Variants in PCDHGB1 observed in about 807,000 individuals in gnomAD.
PCDHGB1 encodes the protein protocadherin gamma-B1.
Under a neutral mutation model 56.6 loss-of-function variants are expected in PCDHGB1, and 34 were observed. The observed-to-expected ratio is 0.60, with a 90% CI of 0.46 to 0.80. The LOEUF is 0.80. Among genes scored for constraint, PCDHGB1 ranks in the 30% least tolerant of loss-of-function variants. The pLI is 0.00. For synonymous variants in PCDHGB1, 561 were observed against 505.9 expected, an observed-to-expected ratio of 1.11 and a Z score of -1.46; for missense variants, 1,278 against 1,204.6, an observed-to-expected ratio of 1.06 and a Z score of -0.90.
intron 1 of PCDHGB1, chr5:141,475,934 GC>G (rs879308605): frequency 6.0e-6 from 4 of 665,236 alleles, no homozygotes; most frequent in Non-Finnish European, 1.0e-5. Context: ...TCGGGCCCCT[GC>G]CCGTCCCCTT....
chr5:141,399,010 G>A (rs1400790755), intron 1 of PCDHGB1: 5 of 1,613,726 alleles, frequency 3.1e-6, no homozygotes, highest in African/African-American at 1.3e-5. Flanking sequence ...TTCAAAGAGC[G>A]GAGAAATTAC....
At chr5:141,389,866 T>G (rs1332106674) in intron 1 of PCDHGB1, 1 of 1,614,082 alleles carries the variant, frequency 6.2e-7, no homozygotes, top group African/African-American at 1.3e-5. Context: ...TTGCACCTGG[T>G]CTTCGCCGAC....
In PCDHGB1 at chr5:141,439,058, TGGCA is replaced by T. The variant is rs1241503235; in HGVS notation, c.2410-55745_2410-55742del. On this transcript the variant is annotated intron_variant, in intron 1 of 3. Transcript: ENST00000523390. ...CAGTTCATAAGATTTCCATATTGTG[TGGCA>T]GGCGCCTGTAATCCCAGCTACTCAG... 2.0e-5 allele frequency among the ~76,000 whole-genome samples: 3 copies of T among 151,580 alleles called. No individual in the cohort carries two copies. The East Asian group carries it at 5.9e-4, about 30-fold the overall frequency.
At position 141,409,627 on chromosome 5, in the gene PCDHGB1, C is replaced by A. The variant is rs761778894; in HGVS notation, c.2409+56958C>A. ...CAGGAGCCTCCATTGCGCAAGTGAG[C>A]GCCTCTGACCCGGATTTGGGGCTCA... On this transcript the variant is annotated intron_variant, in intron 1 of 3. Coordinates refer to ENST00000523390, the MANE Select transcript of PCDHGB1 (RefSeq NM_018922.3). 5.0e-5 allele frequency: 80 copies of A among 1,613,716 alleles called. No individual in the cohort carries two copies. The Admixed American group carries it at 1.2e-3, about 24-fold the overall frequency.
At position 141,373,653 on chromosome 5, in the gene PCDHGB1, A is replaced by T. The variant is rs149501628; in HGVS notation, c.2409+20984A>T. Among the ~76,000 whole-genome samples, 35 of 152,376 alleles carry T rather than the reference A, an allele frequency of 2.3e-4. No individual in the cohort carries two copies. In the East Asian group the frequency reaches 6.4e-3, roughly 28 times the overall value. On this transcript the variant is annotated intron_variant, in intron 1 of 3. Transcript: ENST00000523390. The stretch of plus-strand genomic sequence containing the variant: ...TTTCTGTTCCCCAAGGTCCTAAGAG[A>T]TATTTTCATAAAAATGAATGGTAAA...
chr5:141,365,585 A>G (rs749384821), intron 1 of PCDHGB1: 2 of 1,613,578 alleles, frequency 1.2e-6, no homozygotes, highest in Non-Finnish European at 1.7e-6. Context: ...TTCAGATTAT[A>G]ATATCACTTT....
chr5:141,392,916 G>A, intron 1 of PCDHGB1: 1 of 1,613,936 alleles, frequency 6.2e-7, no homozygotes, highest in Non-Finnish European at 8.5e-7. Context: ...TCGCTACTCT[G>A]TGCCAGAAGA....
In PCDHGB1 at chr5:141,372,299, G is replaced by T. The variant is rs35459734; in HGVS notation, c.2409+19630G>T. The stretch of plus-strand genomic sequence containing the variant: ...GCACGGCGCGTACCTTGGGCGACAG[G>T]GAGGCCGCCCGCCAGCGCCTGCTGG... On this transcript the variant is annotated intron_variant, in intron 1 of 3. Coordinates refer to ENST00000523390, the MANE Select transcript of PCDHGB1 (RefSeq NM_018922.3). The T allele has an allele frequency of 1.9e-3, 2,997 of 1,613,318 alleles. 22 individuals are homozygous for T. Among genetic ancestry groups the T allele is most frequent in the African/African-American group, 0.017 (1,313 of 75,058 alleles).
Position 141,350,526 on chromosome 5 carries a change from G to T in PCDHGB1, c.266G>T (p.Arg89Leu). 6.2e-7 allele frequency: 1 copy of T among 1,614,020 alleles called. No individual in the cohort carries two copies. The highest frequency in any genetic ancestry group is 8.5e-7 in the Non-Finnish European group (1 of 1,179,894). Residue 89 changes from arginine (R) to leucine (L), a missense_variant, in exon 1 of 4, where the codon CGA (arginine) becomes CTA (leucine). By Grantham distance (102) the Arg-to-Leu change is moderately radical. Transcript: ENST00000523390. ...TTGTTAGTGAACGGTAGGATAGATC[G>T]AGAGAAGATTTGCGGAAGGAAACTT... ...GDLLVNGRID[R>L]EKICGRKLEC...
chr5:141,385,101 C>A (rs1373310406), intron 1 of PCDHGB1: 2 of 1,614,194 alleles, frequency 1.2e-6, no homozygotes, highest in East Asian at 2.2e-5. Flanking sequence ...GCTTGGCGAA[C>A]GTGCCCACCT....
intron 1 of PCDHGB1, chr5:141,393,911 T>C: frequency 3.7e-6 from 6 of 1,614,002 alleles, no homozygotes; most frequent in Non-Finnish European, 5.1e-6. Context: ...GGACAGTAAT[T>C]GCCTTCTTGA....
intron 1 of PCDHGB1, chr5:141,422,122 A>G (rs758254144): frequency 6.2e-7 from 1 of 1,601,596 alleles, no homozygotes; most frequent in African/African-American, 1.4e-5. Context: ...GGATTCACAA[A>G]CTGGAGAAGT....
intron 1 of PCDHGB1, chr5:141,412,017 A>C (rs914087284): frequency 1.4e-5 from 2 of 146,532 alleles, no homozygotes; most frequent in African/African-American, 5.3e-5. Context: ...ACTTCTGAAC[A>C]TCCTGTTCTC....
intron 1 of PCDHGB1, among the ~76,000 whole-genome samples, chr5:141,482,592 C>T (rs187714622): frequency 1.0e-4 from 15 of 142,934 alleles, no homozygotes; most frequent in East Asian, 6.1e-4. Context: ...TGGGACCAAA[C>T]GGGAAAAAAC....
At chr5:141,390,327 T>G (rs377735930) in intron 1 of PCDHGB1, 172 of 1,603,116 alleles carry the variant, frequency 1.1e-4, no homozygotes, top group Non-Finnish European at 2.0e-5. Flanking sequence ...CCTACCCATT[T>G]CTCCATATTC....
At chr5:141,465,730 T>G (rs1373873081) in intron 1 of PCDHGB1, among the ~76,000 whole-genome samples, 2 of 152,186 alleles carry the variant, frequency 1.3e-5, no homozygotes, top group Non-Finnish European at 2.9e-5. Context: ...CCTCTTGTGC[T>G]TTGTTTTCAG....
At chr5:141,390,632 A>G in intron 1 of PCDHGB1, 1 of 240,428 alleles carries the variant, frequency 4.2e-6, no homozygotes, top group Admixed American at 5.1e-5. Context: ...ATATATGATG[A>G]ATACTTTTTT....
At position 141,403,226 on chromosome 5, in the gene PCDHGB1, CG is replaced by C. The variant is rs539681713; in HGVS notation, c.2409+50560del. On this transcript the variant is annotated intron_variant, in intron 1 of 3. Transcript: ENST00000523390. Reference sequence around the variant, plus strand: ...CTTGGTCACCGCGGGTAGGATAGACCGGGAGGAGCTCTGTGCTCAGAGCCCG... The same window carrying C: ...CTTGGTCACCGCGGGTAGGATAGACCGGAGGAGCTCTGTGCTCAGAGCCCG... 1.5e-3 allele frequency: 2,492 copies of C among 1,613,926 alleles called. 3 individuals are homozygous for C. The highest frequency in any genetic ancestry group is 1.8e-3 in the Non-Finnish European group (2,143 of 1,179,902).
chr5:141,463,574 G>A (rs942457606), intron 1 of PCDHGB1, among the ~76,000 whole-genome samples: 1 of 146,978 alleles, frequency 6.8e-6, no homozygotes, highest in Non-Finnish European at 1.5e-5. Flanking sequence ...TCAGCCTCCC[G>A]AGTAGCTGGG....
Sources: gnomAD v4.1 joint callset for allele counts (sites outside exome capture counted in the v4.1 genomes callset) on GRCh38, gnomAD v4.1.1 for gene constraint, MANE v1.5 for transcripts, NCBI Gene and HGNC (gene_info 2026-07-23, HGNC 2026-07-21) for gene names.